Variants in FRMD5 observed in about 807,000 individuals in gnomAD.
FRMD5 encodes FERM domain containing 5.
FRMD5 carries 20 observed loss-of-function variants against 69.0 expected under a neutral mutation model. That is an observed-to-expected ratio of 0.29 (90% CI 0.20 to 0.42). FRMD5 has a LOEUF of 0.42. Ranked by LOEUF, FRMD5 falls within the 10% of genes least tolerant of loss-of-function variation. FRMD5 has a pLI of 1.00. For missense variants in FRMD5, 595 were observed against 708.6 expected, an observed-to-expected ratio of 0.84 and a Z score of 1.82; for synonymous variants, 271 against 260.1, an observed-to-expected ratio of 1.04 and a Z score of -0.40.
At chr15:44,139,727 C>CAAAAAAAAAAAAAA (rs71111842) in intron 1 of FRMD5, among the ~76,000 whole-genome samples, 2 of 72,026 alleles carry the variant, frequency 2.8e-5, no homozygotes, top group Non-Finnish European at 4.8e-5. Context: ...CCAGTCTCTA[C>CAAAAAAAAAAAAAA]AAAAAAAAAA....
intron 1 of FRMD5, among the ~76,000 whole-genome samples, chr15:44,156,555 G>C (rs974189546): frequency 6.6e-6 from 1 of 152,208 alleles, no homozygotes; most frequent in African/African-American, 2.4e-5. Context: ...CTTAAAACAT[G>C]TGAGTCCAAT....
At position 43,919,465 on chromosome 15, in the gene FRMD5, A is replaced by G; in HGVS notation, c.323T>C (p.Ile108Thr). ...PADPAALKEE[I>T]TRYLVFLQIK... ...GGAAGCATGTTCACCTCACCTGGTTATTTCTTCTTTCAGAGCAGCAGGGTC... is the reference window on the plus strand; with the variant it reads ...GGAAGCATGTTCACCTCACCTGGTTGTTTCTTCTTTCAGAGCAGCAGGGTC... Residue 108 changes from isoleucine (I) to threonine (T), a missense_variant, in exon 4 of 14, where the codon ATA becomes ACA. Ile to Thr is a moderately conservative substitution (Grantham distance 89). This residue lies in a region of FRMD5 where 79 missense variants were observed against 139.9 expected (regional missense o/e 0.56). Coordinates refer to ENST00000417257, the MANE Select transcript of FRMD5 (RefSeq NM_032892.5). 6.2e-7 allele frequency: 1 copy of G among 1,613,908 alleles called. No individual in the cohort carries two copies. The highest frequency in any genetic ancestry group is 8.5e-7 in the Non-Finnish European group (1 of 1,179,870).
chr15:44,128,042 G>C (rs1441535004), intron 1 of FRMD5, among the ~76,000 whole-genome samples: 2 of 152,054 alleles, frequency 1.3e-5, no homozygotes, highest in Admixed American at 6.6e-5. Context: ...CAAGAGAGAG[G>C]AAGGTAAAAT....
chr15:44,034,009 C>T (rs1232777645), intron 1 of FRMD5, among the ~76,000 whole-genome samples: 1 of 152,102 alleles, frequency 6.6e-6, no homozygotes, highest in African/African-American at 2.4e-5. Context: ...ACACAATAGG[C>T]CACAGACAAG....
chr15:43,974,804 C>G (rs1326784862), intron 1 of FRMD5, among the ~76,000 whole-genome samples: 1 of 152,212 alleles, frequency 6.6e-6, no homozygotes, highest in Non-Finnish European at 1.5e-5. Context: ...TCAAAGGCTT[C>G]CTTTTTAATA....
At chr15:43,884,679 C>G (rs2140356948) in intron 12 of FRMD5, 48 bp downstream of exon 12, 1 of 1,553,458 alleles carries the variant, frequency 6.4e-7, no homozygotes, top group Non-Finnish European at 8.9e-7. Context: ...GATTGAGATT[C>G]TGGGATCTGA....
chr15:44,038,742 G>A (rs930531018), intron 1 of FRMD5, among the ~76,000 whole-genome samples: 3 of 151,976 alleles, frequency 2.0e-5, no homozygotes, highest in Non-Finnish European at 4.4e-5. Flanking sequence ...CACCCGGGAA[G>A]CACGAGGGGT....
At chr15:43,956,903 A>AAG (rs1444404644) in intron 1 of FRMD5, among the ~76,000 whole-genome samples, 1 of 152,152 alleles carries the variant, frequency 6.6e-6, no homozygotes, top group Non-Finnish European at 1.5e-5. Context: ...CTGTACTGCA[A>AAG]TCCCATTTCT....
At chr15:44,185,562 C>T (rs1330626466) in intron 1 of FRMD5, among the ~76,000 whole-genome samples, 6 of 151,950 alleles carry the variant, frequency 3.9e-5, no homozygotes, top group South Asian at 2.1e-4. Context: ...GAGGCTGAGG[C>T]GGGTGGATTG....
intron 1 of FRMD5, among the ~76,000 whole-genome samples, chr15:44,077,822 G>A (rs918836451): frequency 6.6e-6 from 1 of 152,004 alleles, no homozygotes; most frequent in African/African-American, 2.4e-5. Flanking sequence ...ATCTGCTATG[G>A]AAAGTAACTG....
At chr15:43,908,327 CA>C (rs58337379) in intron 5 of FRMD5, among the ~76,000 whole-genome samples, 13,168 of 107,768 alleles carry the variant, frequency 0.12, 918 homozygotes, top group East Asian at 0.28. Flanking sequence ...GATCCTGTCT[CA>C]AAAAAAAAAA....
At chr15:44,022,012 T>C (rs1891228865) in intron 1 of FRMD5, among the ~76,000 whole-genome samples, 1 of 152,128 alleles carries the variant, frequency 6.6e-6, no homozygotes, top group Middle Eastern at 3.2e-3. Flanking sequence ...GAAAACATTA[T>C]GCTAAGTGAA....
intron 7 of FRMD5, among the ~76,000 whole-genome samples, chr15:43,894,492 G>C (rs1235655626): frequency 6.6e-6 from 1 of 151,992 alleles, no homozygotes; most frequent in African/African-American, 2.4e-5. Flanking sequence ...CCGTATGTGC[G>C]TAAAAATGAG....
chr15:43,975,682 C>T (rs536523423), intron 1 of FRMD5, among the ~76,000 whole-genome samples: 4 of 152,340 alleles, frequency 2.6e-5, no homozygotes, highest in Non-Finnish European at 5.9e-5. Context: ...AAATTGTTAA[C>T]ATGTCCATTC....
intron 1 of FRMD5, among the ~76,000 whole-genome samples, chr15:44,057,445 G>A (rs1008679953): frequency 1.3e-5 from 2 of 152,184 alleles, no homozygotes; most frequent in African/African-American, 4.8e-5. Context: ...ATTGCACATG[G>A]TCAAGCATAT....
intron 1 of FRMD5, among the ~76,000 whole-genome samples, chr15:43,943,272 G>A (rs2140492085): frequency 6.6e-6 from 1 of 152,228 alleles, no homozygotes; most frequent in East Asian, 1.9e-4. Context: ...AAGAGACAGG[G>A]TTTTGCCATG....
chr15:44,000,365 C>T (rs1337173294), intron 1 of FRMD5, among the ~76,000 whole-genome samples: 1 of 151,972 alleles, frequency 6.6e-6, no homozygotes, highest in Non-Finnish European at 1.5e-5. Flanking sequence ...TTGTGAATAA[C>T]GCTGCAATGA....
At chr15:43,962,257 A>G (rs1459183072) in intron 1 of FRMD5, among the ~76,000 whole-genome samples, 1 of 152,208 alleles carries the variant, frequency 6.6e-6, no homozygotes, top group Non-Finnish European at 1.5e-5. Context: ...CTTAAACACC[A>G]ATAACAGACA....
intron 1 of FRMD5, among the ~76,000 whole-genome samples, chr15:43,951,495 A>G (rs1259691706): frequency 1.3e-5 from 2 of 152,146 alleles, no homozygotes; most frequent in African/African-American, 4.8e-5. Flanking sequence ...GCTATAGAAC[A>G]CTAGAACTAT....
Sources: gnomAD v4.1 joint callset for allele counts (sites outside exome capture counted in the v4.1 genomes callset) on GRCh38, gnomAD v4.1.1 for gene constraint, gnomAD v4.1.1 regional missense constraint, MANE v1.5 for transcripts, NCBI Gene and HGNC (gene_info 2026-07-23, HGNC 2026-07-21) for gene names.